PRTFDC1: variants seen among roughly 807,000 people sequenced by gnomAD.
PRTFDC1 encodes phosphoribosyltransferase domain-containing protein 1.
Under a neutral mutation model 34.6 loss-of-function variants are expected in PRTFDC1, and 38 were observed. That is an observed-to-expected ratio of 1.10 (90% CI 0.85 to 1.44). The LOEUF (loss-of-function observed/expected upper bound fraction) is 1.44. Ranked by LOEUF, PRTFDC1 falls within the 40% of genes most tolerant of loss-of-function variation. The pLI, the probability that PRTFDC1 is intolerant of heterozygous loss-of-function variation, is 0.00. For missense variants in PRTFDC1, 270 were observed against 283.0 expected, an observed-to-expected ratio of 0.95 and a Z score of 0.33; for synonymous variants, 93 against 98.1, an observed-to-expected ratio of 0.95 and a Z score of 0.31.
At chr10:24,904,705 C>T (rs918845858) in intron 3 of PRTFDC1, among the ~76,000 whole-genome samples, 29 of 152,120 alleles carry the variant, frequency 1.9e-4, no homozygotes, top group Admixed American at 7.2e-4. Flanking sequence ...GAGACTAAGC[C>T]ATGGTTTAGA....
intron 3 of PRTFDC1, among the ~76,000 whole-genome samples, chr10:24,924,275 A>G (rs949764543): frequency 2.0e-5 from 3 of 152,202 alleles, no homozygotes; most frequent in African/African-American, 7.2e-5. Context: ...AAGGCAGGCC[A>G]ACATTCAAAT....
chr10:24,849,742 G>T lies in PRTFDC1; in HGVS notation c.*102C>A. The T allele has an allele frequency of 9.4e-7, 1 of 1,069,078 alleles. No individual in the cohort carries two copies. Among genetic ancestry groups the T allele is most frequent in the Non-Finnish European group, 1.4e-6 (1 of 700,790 alleles). 66.2% of individuals were successfully genotyped at this position (1,069,078 alleles called of 1,614,324 possible). ...TGAACATTTTTTTCTTTTATATCCT[G>T]CTGAGTGAAGATGCCTGGGGGGACA... On this transcript the variant is annotated 3_prime_UTR_variant, in exon 9 of 9. Coordinates refer to ENST00000320152, the MANE Select transcript of PRTFDC1 (RefSeq NM_020200.7).
chr10:24,851,531 A>G (rs897028853), intron 7 of PRTFDC1, 67 bp from the exon 8 acceptor site: 55 of 1,571,744 alleles, frequency 3.5e-5, no homozygotes, highest in Non-Finnish European at 4.4e-5. Context: ...GCAAGTCACC[A>G]TATGCTGCTG....
chr10:24,937,412 G>C (rs369080621), intron 2 of PRTFDC1, 45 bp from the exon 3 acceptor site: 1 of 1,513,350 alleles, frequency 6.6e-7, no homozygotes, highest in Non-Finnish European at 9.0e-7. Context: ...CTACTTCTGA[G>C]TATTTATGTT....
chr10:24,920,441 C>G (rs1848770530), intron 3 of PRTFDC1, among the ~76,000 whole-genome samples: 2 of 152,034 alleles, frequency 1.3e-5, no homozygotes, highest in Non-Finnish European at 2.9e-5. Context: ...AACAGAAAAC[C>G]AAGCACCACA....
At chr10:24,897,868 G>A (rs1848393575) in intron 3 of PRTFDC1, among the ~76,000 whole-genome samples, 1 of 152,152 alleles carries the variant, frequency 6.6e-6, no homozygotes, top group Non-Finnish European at 1.5e-5. Flanking sequence ...TGTGGTCTTA[G>A]CAGCAAGTCT....
chr10:24,910,456 G>T (rs1010125136), intron 3 of PRTFDC1, among the ~76,000 whole-genome samples: 2 of 152,162 alleles, frequency 1.3e-5, no homozygotes, highest in African/African-American at 4.8e-5. Flanking sequence ...GGACAATTAA[G>T]ATAATGCACA....
intron 3 of PRTFDC1, among the ~76,000 whole-genome samples, chr10:24,932,991 A>T (rs1040269838): frequency 6.6e-6 from 1 of 152,170 alleles, no homozygotes; most frequent in Non-Finnish European, 1.5e-5. Flanking sequence ...GTGAAAGATC[A>T]AAAGCAACTC....
chr10:24,921,313 G>A (rs371237781), intron 3 of PRTFDC1, among the ~76,000 whole-genome samples: 2 of 152,078 alleles, frequency 1.3e-5, no homozygotes, highest in East Asian at 1.9e-4. Context: ...GCAGACTTCT[G>A]AGCCTGCCTT....
At chr10:24,951,692 C>T (rs1476840902) in intron 1 of PRTFDC1, 2 of 843,470 alleles carry the variant, frequency 2.4e-6, no homozygotes, top group Non-Finnish European at 2.9e-6. Context: ...TTATAACCAC[C>T]ACCTTCTAGG....
intron 3 of PRTFDC1, among the ~76,000 whole-genome samples, chr10:24,912,997 A>G (rs1006570641): frequency 6.6e-6 from 1 of 152,232 alleles, no homozygotes; most frequent in Non-Finnish European, 1.5e-5. Context: ...ACAGAAATAG[A>G]GAAAATTCCA....
intron 3 of PRTFDC1, among the ~76,000 whole-genome samples, chr10:24,883,890 T>C (rs1848121763): frequency 6.7e-6 from 1 of 149,932 alleles, no homozygotes; most frequent in South Asian, 2.1e-4. Flanking sequence ...AGTGGCGTGA[T>C]CTTGGCTCAC....
chr10:24,874,485 G>C (rs1003253578), intron 3 of PRTFDC1, among the ~76,000 whole-genome samples: 2 of 152,132 alleles, frequency 1.3e-5, no homozygotes, highest in African/African-American at 4.8e-5. Flanking sequence ...TACTTCCAGG[G>C]ACTGGGTTAT....
intron 2 of PRTFDC1, among the ~76,000 whole-genome samples, chr10:24,941,288 C>T (rs1849153624): frequency 6.6e-6 from 1 of 152,004 alleles, no homozygotes. Flanking sequence ...ACTCCTGGCT[C>T]AAACAGTCCT....
chr10:24,933,268 T>TA (rs745813582), intron 3 of PRTFDC1, among the ~76,000 whole-genome samples: 7 of 151,784 alleles, frequency 4.6e-5, no homozygotes, highest in African/African-American at 1.7e-4. Context: ...TAACTGAACT[T>TA]AAAAAATTTT....
chr10:24,939,675 T>C (rs1289004079), intron 2 of PRTFDC1, among the ~76,000 whole-genome samples: 1 of 150,912 alleles, frequency 6.6e-6, no homozygotes. Context: ...ATGCTTATAA[T>C]CCCAGCTACT....
chr10:24,870,269 G>C (rs1359984792), intron 4 of PRTFDC1, among the ~76,000 whole-genome samples: 1 of 152,094 alleles, frequency 6.6e-6, no homozygotes, highest in East Asian at 1.9e-4. Flanking sequence ...CACCATGCCT[G>C]GCTAATTTTC....
chr10:24,907,659 A>C (rs1204045790), intron 3 of PRTFDC1, among the ~76,000 whole-genome samples: 1 of 152,202 alleles, frequency 6.6e-6, no homozygotes, highest in Non-Finnish European at 1.5e-5. Flanking sequence ...TCCTCAGAAA[A>C]CATCTGTGGA....
At chr10:24,918,672 C>T (rs1265444702) in intron 3 of PRTFDC1, among the ~76,000 whole-genome samples, 1 of 152,130 alleles carries the variant, frequency 6.6e-6, no homozygotes, top group East Asian at 1.9e-4. Context: ...CACTCAGCCT[C>T]CCAAAGCTCT....
Sources: gnomAD v4.1 joint callset for allele counts (sites outside exome capture counted in the v4.1 genomes callset) on GRCh38, gnomAD v4.1.1 for gene constraint, MANE v1.5 for transcripts, NCBI Gene and HGNC (gene_info 2026-07-23, HGNC 2026-07-21) for gene names.